IMMP2L: variants seen among roughly 807,000 people sequenced by gnomAD.
IMMP2L encodes inner mitochondrial membrane peptidase subunit 2.
IMMP2L carries 18 observed loss-of-function variants against 19.3 expected under a neutral mutation model. The ratio of observed to expected loss-of-function variants is 0.93; its 90% confidence interval spans 0.64 to 1.38. The LOEUF is 1.38. IMMP2L is among the 40% of genes most tolerant of loss of function. The probability of loss-of-function intolerance (pLI) is 0.00; values close to 1 mark genes in which losing one functional copy is unlikely to be tolerated. For synonymous variants in IMMP2L, 76 were observed against 73.0 expected (o/e 1.04, Z -0.21); for missense variants, 233 against 218.2 (o/e 1.07, Z -0.43).
chr7:111,262,637 C>G (rs1365028497), intron 3 of IMMP2L, among the ~76,000 whole-genome samples: 2 of 152,076 alleles, frequency 1.3e-5, no homozygotes, highest in Non-Finnish European at 2.9e-5. Context: ...CTATAGTAAA[C>G]AGAACGCAAG....
intron 3 of IMMP2L, among the ~76,000 whole-genome samples, chr7:111,225,604 A>G (rs1480633100): frequency 6.6e-6 from 1 of 151,612 alleles, no homozygotes; most frequent in Non-Finnish European, 1.5e-5. Context: ...TAATATCAAT[A>G]TAATATCAAA....
chr7:111,122,249 C>A (rs1045393905), intron 3 of IMMP2L, among the ~76,000 whole-genome samples: 3 of 151,946 alleles, frequency 2.0e-5, no homozygotes, highest in East Asian at 1.9e-4. Flanking sequence ...CAAGGACAGT[C>A]ATGAAAAAGA....
At chr7:110,935,318 A>G (rs190091880) in intron 4 of IMMP2L, among the ~76,000 whole-genome samples, 1,726 of 152,230 alleles carry the variant, frequency 0.011, 20 homozygotes, top group South Asian at 0.022. Flanking sequence ...AATGTTGAAT[A>G]TTGTCCACCA....
At chr7:111,328,126 G>GTACGAT (rs1021187948) in intron 3 of IMMP2L, among the ~76,000 whole-genome samples, 2 of 151,644 alleles carry the variant, frequency 1.3e-5, no homozygotes, top group Non-Finnish European at 3.0e-5. Context: ...CAGAGAACTT[G>GTACGAT]TACGATTTTT....
chr7:111,352,323 C>T (rs1348234526), intron 3 of IMMP2L, among the ~76,000 whole-genome samples: 8 of 151,634 alleles, frequency 5.3e-5, no homozygotes, highest in Non-Finnish European at 1.2e-4. Context: ...CTTAGCCTCC[C>T]AAGTAGCTGG....
intron 3 of IMMP2L, among the ~76,000 whole-genome samples, chr7:111,103,450 C>A (rs1798197930): frequency 6.6e-6 from 1 of 151,580 alleles, no homozygotes; most frequent in Non-Finnish European, 1.5e-5. Flanking sequence ...TAAGACATGT[C>A]ATATAACTAA....
At chr7:111,024,950 A>G (rs1030791637) in intron 3 of IMMP2L, among the ~76,000 whole-genome samples, 3 of 152,224 alleles carry the variant, frequency 2.0e-5, no homozygotes, top group African/African-American at 7.2e-5. Context: ...GAGTATTGAA[A>G]TCAGCATATT....
intron 5 of IMMP2L, among the ~76,000 whole-genome samples, chr7:110,704,299 C>G (rs1000439435): frequency 3.9e-5 from 6 of 152,088 alleles, no homozygotes; most frequent in South Asian, 2.1e-4. Context: ...AAAAATTGAG[C>G]CTAAGTTACT....
chr7:110,918,516 C>T (rs560853678), intron 4 of IMMP2L, among the ~76,000 whole-genome samples: 25 of 144,712 alleles, frequency 1.7e-4, no homozygotes, highest in Middle Eastern at 3.9e-3. Context: ...AGTGCAATGG[C>T]GCGATCTCGG....
chr7:111,530,699 G>GA (rs1377152407), intron 1 of IMMP2L, among the ~76,000 whole-genome samples: 2 of 149,090 alleles, frequency 1.3e-5, no homozygotes, highest in African/African-American at 2.5e-5. Flanking sequence ...AGGCTAAAAA[G>GA]AAAAAAAAAG....
In IMMP2L at chr7:110,772,573, T is replaced by C. The variant is rs184199214; in HGVS notation, c.409-108852A>G. 9.8e-4 allele frequency among the ~76,000 whole-genome samples: 149 copies of C among 152,070 alleles called. 1 individual carries two copies. The highest frequency in any genetic ancestry group is 3.4e-3 in the African/African-American group (140 of 41,474). ...CTTCAATGAGTGTGATGCTGAGGAG[T>C]GGGCAAATCCTCTCTTGAAGGGAAT... is the stretch of plus-strand genomic sequence containing the variant. On this transcript the variant is annotated intron_variant, in intron 5 of 5. Transcript: ENST00000405709.
At chr7:110,828,782 T>C (rs1021983632) in intron 5 of IMMP2L, among the ~76,000 whole-genome samples, 1 of 152,124 alleles carries the variant, frequency 6.6e-6, no homozygotes, top group African/African-American at 2.4e-5. Context: ...GTAAATGAGA[T>C]ATGGTTGAAA....
At chr7:111,536,537 A>T (rs1847902035) in intron 1 of IMMP2L, among the ~76,000 whole-genome samples, 1 of 151,978 alleles carries the variant, frequency 6.6e-6, no homozygotes, top group South Asian at 2.1e-4. Context: ...AAACTCCTGA[A>T]TTCAAGTGGT....
At chr7:111,236,394 A>G (rs1176407991) in intron 3 of IMMP2L, among the ~76,000 whole-genome samples, 1 of 152,104 alleles carries the variant, frequency 6.6e-6, no homozygotes, top group Non-Finnish European at 1.5e-5. Context: ...CCTTTAATCT[A>G]GGGGTGAATA....
At chr7:110,881,737 C>T (rs960495893) in intron 5 of IMMP2L, among the ~76,000 whole-genome samples, 1 of 152,122 alleles carries the variant, frequency 6.6e-6, no homozygotes, top group African/African-American at 2.4e-5. Context: ...AATTCATTCT[C>T]GTGTATCACA....
intron 3 of IMMP2L, among the ~76,000 whole-genome samples, chr7:111,281,140 C>G (rs10256788): frequency 0.18 from 10,952 of 59,780 alleles, 800 homozygotes; most frequent in Middle Eastern, 0.25. Flanking sequence ...GAGAGAAAGA[C>G]AGAAAGACAG....
intron 3 of IMMP2L, among the ~76,000 whole-genome samples, chr7:111,179,874 C>T (rs1010316183): frequency 8.5e-5 from 13 of 152,124 alleles, no homozygotes; most frequent in Admixed American, 2.6e-4. Flanking sequence ...TTTTATGTTA[C>T]GAAAACAGCT....
At chr7:111,330,803 T>G (rs1435247962) in intron 3 of IMMP2L, among the ~76,000 whole-genome samples, 1 of 151,822 alleles carries the variant, frequency 6.6e-6, no homozygotes, top group Non-Finnish European at 1.5e-5. Flanking sequence ...GACATACAAA[T>G]GTCCAGCAGA....
At chr7:110,680,211 C>T (rs1164422807) in intron 5 of IMMP2L, among the ~76,000 whole-genome samples, 1 of 152,106 alleles carries the variant, frequency 6.6e-6, no homozygotes, top group Non-Finnish European at 1.5e-5. Flanking sequence ...GGTAGGACGC[C>T]CTTAACATTA....
Sources: allele counts gnomAD v4.1 joint callset (sites outside exome capture counted in the v4.1 genomes callset), GRCh38; gene constraint gnomAD v4.1.1; transcripts MANE v1.5; gene names NCBI Gene and HGNC (gene_info 2026-07-23, HGNC 2026-07-21).